The following GANC variants were observed in gnomAD, a reference collection of about 807,000 sequenced individuals.
The protein encoded by GANC is glucosidase alpha, neutral C.
In GANC, 117 loss-of-function variants were observed where a neutral mutation model predicts 124.2. The ratio of observed to expected loss-of-function variants is 0.94; its 90% CI spans 0.81 to 1.10. The LOEUF (loss-of-function observed/expected upper bound fraction) is 1.10. GANC is among the 50% of genes least tolerant of loss of function. GANC has a pLI of 0.00. For missense variants in GANC, 1,140 were observed against 1,095.0 expected, an observed-to-expected ratio of 1.04 and a Z score of -0.58; for synonymous variants, 377 against 376.8, an observed-to-expected ratio of 1.00 and a Z score of -0.01.
At chr15:42,304,266 T>C (rs1422601331) in intron 6 of GANC, among the ~76,000 whole-genome samples, 1 of 152,098 alleles carries the variant, frequency 6.6e-6, no homozygotes, top group East Asian at 1.9e-4. Flanking sequence ...ACTGGGTAAA[T>C]GACGAAATGA....
In GANC at chr15:42,273,941, C is replaced by T. The variant is rs918546776; in HGVS notation, c.-541C>T. 5 of 202,762 alleles carry T rather than the reference C, an allele frequency of 2.5e-5. No individual in the cohort carries two copies. In the Admixed American group the frequency reaches 2.8e-4, roughly 11 times the overall value. The allele number at this position is 202,762 out of a possible 1,614,324, so 12.6% of individuals were successfully genotyped here. A position where few individuals can be genotyped will look rare whatever the true frequency, so the allele number is the denominator to read the frequency against. ...AACAACCTTCAAAGGCCCCTTCTAG[C>T]CCTGAAGAGTACGATGCTGCAGTAC... is the stretch of plus-strand genomic sequence containing the variant. On this transcript the variant is annotated 5_prime_UTR_variant, in exon 1 of 24. Transcript: ENST00000318010.
chr15:42,337,718 A>AATT (rs952720493), intron 15 of GANC, among the ~76,000 whole-genome samples: 1 of 152,204 alleles, frequency 6.6e-6, no homozygotes, highest in African/African-American at 2.4e-5. Context: ...CTGAACTTAA[A>AATT]TATTTTTTTT....
chr15:42,308,203 A>C lies in GANC; in HGVS notation c.626-19A>C. 1.3e-6 allele frequency: 2 copies of C among 1,498,784 alleles called. No individual in the cohort carries two copies. Among genetic ancestry groups the C allele is most frequent in the Non-Finnish European group, 1.8e-6 (2 of 1,088,784 alleles). 92.8% of individuals were successfully genotyped at this position (1,498,784 alleles called of 1,614,324 possible). Reference sequence around the variant, plus strand: ...AGTGTTCTTTTCAGAAACAAAACTCAGTATCCTGGTCTCTACAGGCCCTTC... The same window carrying C: ...AGTGTTCTTTTCAGAAACAAAACTCCGTATCCTGGTCTCTACAGGCCCTTC... On this transcript the variant is annotated intron_variant, in intron 7 of 23. Transcript: ENST00000318010.
chr15:42,351,510 A>C (rs1444635592), intron 23 of GANC, 78 bp downstream of exon 23: 4 of 1,004,602 alleles, frequency 4.0e-6, no homozygotes, highest in African/African-American at 3.2e-5. Context: ...TTAGTCCCCA[A>C]ACGGAGATAA....
In GANC at chr15:42,292,805, A is replaced by G; in HGVS notation, c.400A>G (p.Ile134Val). 1 of 1,614,200 alleles carries G rather than the reference A, an allele frequency of 6.2e-7. No homozygotes were observed. The highest frequency in any genetic ancestry group is 8.5e-7 in the Non-Finnish European group (1 of 1,180,014). Residue 134 changes from isoleucine to valine, a missense_variant, in exon 5 of 24, where the codon ATC (isoleucine) becomes GTC (valine). By Grantham distance (29) the Ile-to-Val change is conservative (BLOSUM62 3). Transcript: ENST00000318010. ...TGGAAAAGGAGACCTGAAGTGCCATATCACAGCAAACCCATTCAAGGTAGA... is the reference window on the plus strand; with the variant it reads ...TGGAAAAGGAGACCTGAAGTGCCATGTCACAGCAAACCCATTCAAGGTAGA... ...ADGKGDLKCH[I>V]TANPFKVDLV... is the part of the protein sequence containing the mutation.
At chr15:42,287,858 A>G (rs766810776) in intron 4 of GANC, 40 bp downstream of exon 4, 2 of 1,577,660 alleles carry the variant, frequency 1.3e-6, no homozygotes, top group South Asian at 2.3e-5. Flanking sequence ...CACGCTTGAT[A>G]TATTCTTTTA....
At chr15:42,331,075 A>G (rs1486975262) in intron 15 of GANC, among the ~76,000 whole-genome samples, 1 of 151,928 alleles carries the variant, frequency 6.6e-6, no homozygotes, top group East Asian at 1.9e-4. Flanking sequence ...TTGTGATTAC[A>G]GGTGTGAACC....
Position 42,292,684 on chromosome 15 carries a change from G to A in GANC, c.330-51G>A, listed in dbSNP as rs369392503. On this transcript the variant is annotated intron_variant, in intron 4 of 23. Coordinates refer to ENST00000318010, the MANE Select transcript of GANC (RefSeq NM_198141.3). ...TACTTGGAAGTACAAATCACATAGG[G>A]CCATGTAAACCTATAGCAGCTTGTT... 2.3e-4 allele frequency: 352 copies of A among 1,536,768 alleles called. 1 individual carries two copies. In the Middle Eastern group the frequency reaches 5.2e-3, roughly 23 times the overall value.
At chr15:42,327,975 A>T (rs915595204) in intron 13 of GANC, among the ~76,000 whole-genome samples, 1 of 152,228 alleles carries the variant, frequency 6.6e-6, no homozygotes, top group African/African-American at 2.4e-5. Context: ...TGTGCCAAGC[A>T]CTGTGCTAAG....
chr15:42,277,865 G>A (rs1306620924), intron 2 of GANC, among the ~76,000 whole-genome samples: 2 of 127,506 alleles, frequency 1.6e-5, no homozygotes, highest in Non-Finnish European at 3.1e-5. Flanking sequence ...GCCTCCCAAA[G>A]TACTGGGATT....
chr15:42,327,302 A>C lies in GANC; in HGVS notation c.1421-61A>C, dbSNP rs2052205725. The C allele has an allele frequency of 3.2e-5, 39 of 1,237,422 alleles. 1 individual carries two copies. In the South Asian group the frequency reaches 5.2e-4, roughly 16 times the overall value. The allele number at this position is 1,237,422 out of a possible 1,614,324, so 76.7% of individuals were successfully genotyped here. ...CTCTCACATCTGATACCTTCTTTAC[A>C]ATGCATCCTACTGTGAGGACCACTG... On this transcript the variant is annotated intron_variant, in intron 12 of 23. Coordinates refer to ENST00000318010, the MANE Select transcript of GANC (RefSeq NM_198141.3).
chr15:42,310,605 A>G (rs1224243668), intron 9 of GANC, 88 bp from the exon 10 acceptor site: 28 of 1,521,058 alleles, frequency 1.8e-5, no homozygotes, highest in East Asian at 2.3e-5. Context: ...AGTAGTATCT[A>G]CTAAAGGATC....
rs144463954 is a variant in GANC, at chr15:42,274,125, C to A, written c.-357C>A. 162 of 253,434 alleles carry A rather than the reference C, an allele frequency of 6.4e-4. No individual in the cohort carries two copies. Among genetic ancestry groups the A allele is most frequent in the African/African-American group, 3.6e-3 (153 of 42,564 alleles). The allele number at this position is 253,434 out of a possible 1,614,324, so 15.7% of individuals were successfully genotyped here. A position where few individuals can be genotyped will look rare whatever the true frequency, so the allele number is the denominator to read the frequency against. On this transcript the variant is annotated 5_prime_UTR_variant, in exon 1 of 24. Transcript: ENST00000318010. ...TTCGTCCCAGTCAGGGAGGCCGTCT[C>A]GGCATTTCCAGGTTCTTAACGCTCT...
rs2052466327 is a variant in GANC at position 42,352,833 on chromosome 15, A to T, written c.*694A>T. On this transcript the variant is annotated 3_prime_UTR_variant, in exon 24 of 24. Coordinates refer to ENST00000318010, the MANE Select transcript of GANC (RefSeq NM_198141.3). ...AATATTTATAACATGAGTAAGCTAT[A>T]ATTAATAACAATGAAATAAATACCC... 1.6e-6 allele frequency: 1 copy of T among 629,320 alleles called. No individual in the cohort carries two copies. Among genetic ancestry groups the T allele is most frequent in the African/African-American group, 2.0e-5 (1 of 50,068 alleles). The allele number at this position is 629,320 out of a possible 1,614,324, so 39.0% of individuals were successfully genotyped here. A position where few individuals can be genotyped will look rare whatever the true frequency, so the allele number is the denominator to read the frequency against.
rs1225699213 is a variant in GANC, at chr15:42,338,434, A to G, written c.1787A>G (p.Lys596Arg). ...AACACAGCAGAATGGAGCAACTTGA[A>G]AATTTCTATCCCAATGTTACTCACT... ...GDNTAEWSNL[K>R]ISIPMLLTLS... Residue 596 changes from lysine (K) to arginine (R), a missense_variant, in exon 16 of 24, where the codon AAA (lysine) becomes AGA (arginine). Coordinates refer to ENST00000318010, the MANE Select transcript of GANC (RefSeq NM_198141.3). 1 of 1,614,014 alleles carries G rather than the reference A, an allele frequency of 6.2e-7. No homozygotes were observed. Among genetic ancestry groups the G allele is most frequent in the African/African-American group, 1.3e-5 (1 of 74,930 alleles).
chr15:42,292,744 A>G lies in GANC; in HGVS notation c.339A>G (p.Ser113=), dbSNP rs749022385. 4.3e-6 allele frequency: 7 copies of G among 1,613,276 alleles called. No homozygotes were observed. Among genetic ancestry groups the G allele is most frequent in the Non-Finnish European group, 4.2e-6 (5 of 1,179,424 alleles). ...CTGTTTTGTTTTCTAGGCTGATTTC[A>G]TGCTCTGGGGACACAGGCAGTCTGA... is the stretch of plus-strand genomic sequence containing the variant. The part of the protein sequence containing the change: ...TSKPSTVRLI[S]CSGDTGSLIL... Residue 113 remains serine, a synonymous_variant, in exon 5 of 24, where the codon TCA becomes TCG. Coordinates refer to ENST00000318010, the MANE Select transcript of GANC (RefSeq NM_198141.3).
At chr15:42,292,403 T>C (rs1049404537) in intron 4 of GANC, among the ~76,000 whole-genome samples, 1 of 151,894 alleles carries the variant, frequency 6.6e-6, no homozygotes, top group Admixed American at 6.6e-5. Flanking sequence ...TGTCTGGCAC[T>C]GTGTCAAGAG....
chr15:42,283,676 C>T, intron 3 of GANC: 1 of 702,600 alleles, frequency 1.4e-6, no homozygotes, highest in Non-Finnish European at 2.6e-6. Context: ...AGGAATATCT[C>T]TGAGCACCTC....
At position 42,332,708 on chromosome 15, in the gene GANC, A is replaced by C. The variant is rs534908693; in HGVS notation, c.1741+2036A>C. Among the ~76,000 whole-genome samples, 137 of 152,184 alleles carry C rather than the reference A, an allele frequency of 9.0e-4. 1 individual carries two copies. Among genetic ancestry groups the C allele is most frequent in the African/African-American group, 3.1e-3 (128 of 41,538 alleles). ...AATTAGAATACTTTTTTAAAAGAAC[A>C]ATCCCTGGAAAATATTTTTTTTGAG... On this transcript the variant is annotated intron_variant, in intron 15 of 23. Coordinates refer to ENST00000318010, the MANE Select transcript of GANC (RefSeq NM_198141.3).
Sources: gnomAD v4.1 joint callset for allele counts (sites outside exome capture counted in the v4.1 genomes callset) on GRCh38, gnomAD v4.1.1 for gene constraint, MANE v1.5 for transcripts, NCBI Gene and HGNC (gene_info 2026-07-23, HGNC 2026-07-21) for gene names.